Variants in SUSD4 observed in about 807,000 individuals in gnomAD.
SUSD4 encodes sushi domain-containing protein 4.
A neutral mutation model predicts 50.5 loss-of-function variants in SUSD4; 41 were observed. The ratio of observed to expected loss-of-function variants is 0.81; its 90% CI spans 0.63 to 1.05. The LOEUF is 1.05. Ranked by LOEUF, SUSD4 falls within the 50% of genes least tolerant of loss-of-function variation. SUSD4 has a pLI of 0.00. For missense variants in SUSD4, 580 were observed against 634.7 expected, an observed-to-expected ratio of 0.91 and a Z score of 0.93; for synonymous variants, 257 against 257.3, an observed-to-expected ratio of 1.00 and a Z score of 0.01.
Position 223,348,185 on chromosome 1 carries a change from G to A in SUSD4, c.148+15093C>T, listed in dbSNP as rs79635270. ...GCAGTAGCATAATCACAGTTATCAA[G>A]TCCATAATGCTTCAATATGTCATAA... is the stretch of plus-strand genomic sequence containing the variant. On this transcript the variant is annotated intron_variant, in intron 2 of 8. Transcript: ENST00000366878. 6.8e-3 allele frequency among the ~76,000 whole-genome samples: 1,032 copies of A among 152,104 alleles called. 12 individuals are homozygous for A. Among genetic ancestry groups the A allele is most frequent in the Non-Finnish European group, 8.8e-3 (598 of 68,008 alleles).
At chr1:223,267,765 T>C (rs1662593530) in intron 4 of SUSD4, among the ~76,000 whole-genome samples, 1 of 151,984 alleles carries the variant, frequency 6.6e-6, no homozygotes, top group African/African-American at 2.4e-5. Flanking sequence ...GCTGGTGCTT[T>C]TGGAGCAAAT....
chr1:223,332,384 A>G lies in SUSD4; in HGVS notation c.148+30894T>C, dbSNP rs1304617368. Among the ~76,000 whole-genome samples the G allele has an allele frequency of 6.6e-6, 1 of 152,208 alleles. No homozygotes were observed. Among genetic ancestry groups the G allele is most frequent in the African/African-American group, 2.4e-5 (1 of 41,456 alleles). On this transcript the variant is annotated intron_variant, in intron 2 of 8. Transcript: ENST00000366878. The surrounding 1 kb of genome is among the most constrained non-coding windows in gnomAD (Gnocchi z 4.0). ...GGTACCTGAATTTCCAACAAGCATC[A>G]AAAGGATTAAATTGCTTTGGTGAGG...
intron 3 of SUSD4, among the ~76,000 whole-genome samples, chr1:223,283,177 A>C (rs1311787046): frequency 1.3e-5 from 2 of 152,234 alleles, no homozygotes; most frequent in Non-Finnish European, 1.5e-5. Context: ...AAGGGCAAGG[A>C]CTTCATGTCT....
Position 223,360,104 on chromosome 1 carries a change from T to C in SUSD4, c.148+3174A>G, listed in dbSNP as rs200930334. On this transcript the variant is annotated intron_variant, in intron 2 of 8. Transcript: ENST00000366878. ...GGCACCGTCATCCTCATTTTATAGA[T>C]GAGGAAGCTGAGGCTCCCAAGTCCT... 77 of 432,988 alleles carry C rather than the reference T, an allele frequency of 1.8e-4. 1 individual carries two copies. The East Asian group carries it at 5.6e-3, about 32-fold the overall frequency. 26.8% of individuals were successfully genotyped at this position (432,988 alleles called of 1,614,324 possible). A position where few individuals can be genotyped will look rare whatever the true frequency, so the allele number is the denominator to read the frequency against.
intron 2 of SUSD4, among the ~76,000 whole-genome samples, chr1:223,298,597 T>C (rs1664987930): frequency 6.6e-6 from 1 of 152,156 alleles, no homozygotes; most frequent in Non-Finnish European, 1.5e-5. Flanking sequence ...AGCTGAATGA[T>C]AGGTACAGAA....
At chr1:223,280,866 A>T (rs1310750039) in intron 3 of SUSD4, among the ~76,000 whole-genome samples, 1 of 152,248 alleles carries the variant, frequency 6.6e-6, no homozygotes, top group Non-Finnish European at 1.5e-5. Context: ...ATGTAAAAGA[A>T]TAGAAATTAT....
intron 1 of SUSD4, 118 bp from the exon 2 acceptor site, chr1:223,363,578 C>G: frequency 8.1e-7 from 1 of 1,229,084 alleles, no homozygotes; most frequent in Non-Finnish European, 1.1e-6. Flanking sequence ...CCTGGTTCCT[C>G]CCCCGCGCGG....
intron 4 of SUSD4, 119 bp downstream of exon 4, chr1:223,268,383 A>G: frequency 7.4e-7 from 1 of 1,344,432 alleles, no homozygotes; most frequent in Non-Finnish European, 1.0e-6. Context: ...TGTGGGGTAG[A>G]TGGCTTTGTT....
chr1:223,358,849 G>A (rs558491597), intron 2 of SUSD4: 15 of 255,804 alleles, frequency 5.9e-5, no homozygotes, highest in South Asian at 5.8e-4. Context: ...CAGATTAAGC[G>A]CAGTTTGAAA....
rs564754478 is a variant in SUSD4 at position 223,226,458 on chromosome 1, G to C, written c.1061+1136C>G. ...ATAGCGGGTCCCTGCTGCCAGGCAG[G>C]GGAGAATTGCTAAGTGAGGGAGGCC... On this transcript the variant is annotated intron_variant, in intron 7 of 8. Coordinates refer to ENST00000366878, the MANE Select transcript of SUSD4 (RefSeq NM_017982.4). Among the ~76,000 whole-genome samples the C allele has an allele frequency of 4.6e-5, 7 of 152,336 alleles. No individual in the cohort carries two copies. In the East Asian group the frequency reaches 1.4e-3, roughly 29 times the overall value.
intron 5 of SUSD4, among the ~76,000 whole-genome samples, chr1:223,241,830 A>G (rs964533193): frequency 1.3e-5 from 2 of 152,204 alleles, no homozygotes; most frequent in Admixed American, 6.5e-5. Context: ...GCCATCCACT[A>G]TCAAAGAAAG....
At chr1:223,319,677 G>A (rs1007330095) in intron 2 of SUSD4, among the ~76,000 whole-genome samples, 9 of 152,262 alleles carry the variant, frequency 5.9e-5, no homozygotes, top group East Asian at 1.9e-4. Context: ...GGAATACAGC[G>A]GCCCTTTCAA....
chr1:223,226,051 A>G (rs1659497454), intron 7 of SUSD4, among the ~76,000 whole-genome samples: 4 of 152,212 alleles, frequency 2.6e-5, no homozygotes, highest in Admixed American at 2.0e-4. Context: ...AAAACATCTT[A>G]ATATTTAGTG....
intron 2 of SUSD4, among the ~76,000 whole-genome samples, chr1:223,355,095 G>A (rs1276117673): frequency 6.8e-6 from 1 of 147,050 alleles, no homozygotes; most frequent in African/African-American, 2.5e-5. Flanking sequence ...TTTTTTTTCA[G>A]ATGGAGTCTC....
chr1:223,336,615 G>A (rs536575586), intron 2 of SUSD4, among the ~76,000 whole-genome samples: 7 of 152,266 alleles, frequency 4.6e-5, no homozygotes, highest in African/African-American at 1.7e-4. Flanking sequence ...TAACAGGTAA[G>A]AATTTTGGTA....
At chr1:223,261,356 G>A (rs908769807) in intron 5 of SUSD4, among the ~76,000 whole-genome samples, 1 of 152,168 alleles carries the variant, frequency 6.6e-6, no homozygotes, top group Non-Finnish European at 1.5e-5. Flanking sequence ...AATGTACCTT[G>A]GTGATCAAGA....
rs1469830715 is a variant in SUSD4 at position 223,362,946 on chromosome 1, C to T, written c.148+332G>A. Among the ~76,000 whole-genome samples the T allele has an allele frequency of 2.0e-3, 3 of 1,466 alleles. No homozygotes were observed. In the Non-Finnish European group the frequency reaches 0.032, roughly 16 times the overall value. The allele number at this position is 1,466 out of a possible 152,430, so 1.0% of individuals were successfully genotyped here. The stretch of plus-strand genomic sequence containing the variant: ...CCCACTGCCCCCACCCCCCACCCCT[C>T]CCCCCCCCGCCCCCGCTTCCTTGGC... On this transcript the variant is annotated intron_variant, in intron 2 of 8. Coordinates refer to ENST00000366878, the MANE Select transcript of SUSD4 (RefSeq NM_017982.4).
intron 4 of SUSD4, among the ~76,000 whole-genome samples, chr1:223,265,188 C>T (rs1662406635): frequency 6.6e-6 from 1 of 152,156 alleles, no homozygotes; most frequent in Non-Finnish European, 1.5e-5. Flanking sequence ...TGCCCAGGCT[C>T]TGAGGACAGG....
intron 5 of SUSD4, among the ~76,000 whole-genome samples, chr1:223,257,844 G>C (rs1424911937): frequency 1.3e-5 from 2 of 152,208 alleles, no homozygotes; most frequent in African/African-American, 4.8e-5. Context: ...AGGGAGAATA[G>C]AGTGGCCCTG....
Sources: allele counts gnomAD v4.1 joint callset (sites outside exome capture counted in the v4.1 genomes callset), GRCh38; gene constraint gnomAD v4.1.1; non-coding constraint Gnocchi (gnomAD v3.1); transcripts MANE v1.5; gene names NCBI Gene and HGNC (gene_info 2026-07-23, HGNC 2026-07-21).